Variants in DDI2 observed in about 807,000 individuals in gnomAD.
DDI2 encodes DDI proteasomal shuttling factor 2.
DDI2 carries 5 observed loss-of-function variants against 48.1 expected under a neutral mutation model. That is an observed-to-expected ratio of 0.10 (90% CI 0.05 to 0.22). The LOEUF is 0.22. DDI2 is among the 10% of genes least tolerant of loss of function. DDI2 has a pLI of 1.00. For missense variants in DDI2, 285 were observed against 506.2 expected (o/e 0.56, Z 4.19); for synonymous variants, 205 against 183.6 (o/e 1.12, Z -0.94).
In DDI2 at chr1:15,617,541, G is replaced by GGAGC. The variant is rs1161279218; in HGVS notation, c.-119_-116dup. ...GACTCACTGAGCGTGTGTGAGGGAGGGAGCGAGCGAGCGAACGAGCAGCCG... is the reference window on the plus strand; with the variant it reads ...GACTCACTGAGCGTGTGTGAGGGAGGGAGCGAGCGAGCGAGCGAACGAGCAGCCG... On this transcript the variant is annotated 5_prime_UTR_variant, in exon 1 of 10. Coordinates refer to ENST00000480945, the MANE Select transcript of DDI2 (RefSeq NM_032341.5). The GGAGC allele has an allele frequency of 9.0e-5, 62 of 692,048 alleles. 1 individual carries two copies. The highest frequency in any genetic ancestry group is 2.4e-4 in the South Asian group (4 of 16,374). The allele number at this position is 692,048 out of a possible 1,614,324, so 42.9% of individuals were successfully genotyped here. A position where few individuals can be genotyped will look rare whatever the true frequency, so the allele number is the denominator to read the frequency against.
intron 1 of DDI2, among the ~76,000 whole-genome samples, chr1:15,623,600 G>C (rs570743516): frequency 7.8e-6 from 1 of 128,732 alleles, no homozygotes; most frequent in Non-Finnish European, 1.6e-5. Flanking sequence ...ATGGGGTCTT[G>C]CTGTATTGCC....
In DDI2 at chr1:15,663,539, G is replaced by A. The variant is rs1640410637; in HGVS notation, c.*3749G>A. On this transcript the variant is annotated 3_prime_UTR_variant, in exon 10 of 10. Coordinates refer to ENST00000480945, the MANE Select transcript of DDI2 (RefSeq NM_032341.5). Reference sequence around the variant, plus strand: ...GCGTGAAGAACAACAGGTCAGCCAGGTTGTCTTTAAGATGTTCTTTTAGAC... The same window carrying A: ...GCGTGAAGAACAACAGGTCAGCCAGATTGTCTTTAAGATGTTCTTTTAGAC... 1.3e-5 allele frequency: 2 copies of A among 152,288 alleles called. No individual in the cohort carries two copies. The highest frequency in any genetic ancestry group is 4.1e-4 in the South Asian group (2 of 4,822). 9.4% of individuals were successfully genotyped at this position (152,288 alleles called of 1,614,324 possible). A position where few individuals can be genotyped will look rare whatever the true frequency, so the allele number is the denominator to read the frequency against.
At chr1:15,633,094 A>G (rs181847825) in intron 3 of DDI2, among the ~76,000 whole-genome samples, 3 of 151,426 alleles carry the variant, frequency 2.0e-5, no homozygotes, top group Non-Finnish European at 4.4e-5. Flanking sequence ...ACGCCCAACT[A>G]ATTTTTATAT....
In DDI2 at chr1:15,643,591, G is replaced by A. The variant is rs1300606561; in HGVS notation, c.830G>A (p.Arg277Gln). The part of the protein sequence containing the change: ...RCNIMRLVDR[R>Q]WAGIAKGVGT... ...AACATAATGAGACTGGTGGACCGTC[G>A]GTGGGCAGGGATTGCCAAAGGAGTG... is the stretch of plus-strand genomic sequence containing the variant. The change falls in exon 6 of 10, where the codon CGG (arginine) becomes CAG (glutamine). Residue 277 changes from arginine (R) to glutamine (Q), a missense_variant. Physicochemically the swap from Arg to Gln is conservative, Grantham distance 43. Around this residue, in one of 3 missense-constraint regions of DDI2, gnomAD observed 70 missense variants for 182.3 expected, o/e 0.38. Coordinates refer to ENST00000480945, the MANE Select transcript of DDI2 (RefSeq NM_032341.5). 6.2e-7 allele frequency: 1 copy of A among 1,614,144 alleles called. No homozygotes were observed.
At chr1:15,626,589 CAG>C in intron 1 of DDI2, 78 bp from the exon 2 acceptor site, 1 of 1,572,246 alleles carries the variant, frequency 6.4e-7, no homozygotes, top group Non-Finnish European at 8.6e-7. Context: ...ACATCTGATT[CAG>C]GGGAAAACTG....
chr1:15,623,904 C>CA lies in DDI2; in HGVS notation c.139-2755dup, dbSNP rs1253070899. Among the ~76,000 whole-genome samples the CA allele has an allele frequency of 1.3e-3, 188 of 148,636 alleles. 1 individual carries two copies. The highest frequency in any genetic ancestry group is 4.2e-3 in the African/African-American group (169 of 40,640). On this transcript the variant is annotated intron_variant, in intron 1 of 9. Transcript: ENST00000480945. ...TGAAACCCCGTCTCTACAAAAAATA[C>CA]AAAAAAAAAATTAGCCGCTTGTGGG...
At chr1:15,633,610 T>G in intron 4 of DDI2, 45 bp downstream of exon 4, 3 of 1,598,334 alleles carry the variant, frequency 1.9e-6, no homozygotes, top group Non-Finnish European at 2.6e-6. Flanking sequence ...AGACTCCAGA[T>G]TTCCCAGACT....
chr1:15,657,441 C>T (rs916519126), intron 9 of DDI2, among the ~76,000 whole-genome samples: 2 of 152,200 alleles, frequency 1.3e-5, no homozygotes, highest in Non-Finnish European at 2.9e-5. Context: ...AGGTTAAAAG[C>T]AGGCATAGTT....
At position 15,667,481 on chromosome 1, in the gene DDI2, G is replaced by A. The variant is rs773702962; in HGVS notation, c.*7691G>A. The A allele has an allele frequency of 1.3e-5, 2 of 152,196 alleles. No homozygotes were observed. Among genetic ancestry groups the A allele is most frequent in the African/African-American group, 2.4e-5 (1 of 41,440 alleles). 9.4% of individuals were successfully genotyped at this position (152,196 alleles called of 1,614,324 possible). On this transcript the variant is annotated 3_prime_UTR_variant, in exon 10 of 10. Transcript: ENST00000480945. ...ATCCCTTTGTGAGCACGGCTGCTCC[G>A]GAATACTGACCATCTGGGCTAGCAC...
At chr1:15,632,183 C>T (rs907684220) in intron 3 of DDI2, among the ~76,000 whole-genome samples, 2 of 152,218 alleles carry the variant, frequency 1.3e-5, no homozygotes, top group Non-Finnish European at 2.9e-5. Context: ...TAACCATTGT[C>T]ATAATATCTT....
At chr1:15,625,065 C>A (rs994652236) in intron 1 of DDI2, among the ~76,000 whole-genome samples, 10 of 152,180 alleles carry the variant, frequency 6.6e-5, no homozygotes, top group African/African-American at 2.2e-4. Flanking sequence ...TCTATAAATT[C>A]TGAGAGCAGA....
At chr1:15,632,237 G>C (rs1639857575) in intron 3 of DDI2, among the ~76,000 whole-genome samples, 1 of 152,148 alleles carries the variant, frequency 6.6e-6, no homozygotes, top group African/African-American at 2.4e-5. Context: ...AGATGGTGAT[G>C]ATGGGGCATT....
intron 6 of DDI2, among the ~76,000 whole-genome samples, chr1:15,647,182 C>G (rs1014196919): frequency 6.6e-6 from 1 of 151,340 alleles, no homozygotes; most frequent in Non-Finnish European, 1.5e-5. Context: ...GAGTCTCACT[C>G]TGTTGCCCAC....
chr1:15,668,685 T>C lies in DDI2; in HGVS notation c.*8895T>C, dbSNP rs1480582312. ...TTCTGACTTTAAGCTTTGAGACTAC[T>C]GCATCTTAAAAGAAGAACTAGGCTG... On this transcript the variant is annotated 3_prime_UTR_variant, in exon 10 of 10. Transcript: ENST00000480945. 1 of 152,236 alleles carries C rather than the reference T, an allele frequency of 6.6e-6. No individual in the cohort carries two copies. The allele number at this position is 152,236 out of a possible 1,614,324, so 9.4% of individuals were successfully genotyped here.
intron 3 of DDI2, 61 bp from the exon 4 acceptor site, chr1:15,633,378 A>G: frequency 6.3e-7 from 1 of 1,580,842 alleles, no homozygotes; most frequent in Non-Finnish European, 8.6e-7. Flanking sequence ...TGGTGTGGAA[A>G]AGTACTGATA....
intron 2 of DDI2, among the ~76,000 whole-genome samples, chr1:15,629,793 G>A (rs1050281037): frequency 6.7e-6 from 1 of 149,152 alleles, no homozygotes; most frequent in African/African-American, 2.5e-5. Flanking sequence ...GTGCAATGGC[G>A]CCATCTCGGC....
Position 15,630,632 on chromosome 1 carries a change from G to T in DDI2, c.505+71G>T, listed in dbSNP as rs1408870700. On this transcript the variant is annotated intron_variant, in intron 3 of 9. Coordinates refer to ENST00000480945, the MANE Select transcript of DDI2 (RefSeq NM_032341.5). ...GAAGCTGTGTCATAGCAAATGTGAAGAGACTCAAGCGACACTGTGTCACAT... is the reference window on the plus strand; with the variant it reads ...GAAGCTGTGTCATAGCAAATGTGAATAGACTCAAGCGACACTGTGTCACAT... 6.6e-6 allele frequency: 7 copies of T among 1,054,340 alleles called. No individual in the cohort carries two copies. In the East Asian group the frequency reaches 1.2e-4, roughly 18 times the overall value. 65.3% of individuals were successfully genotyped at this position (1,054,340 alleles called of 1,614,324 possible). A position where few individuals can be genotyped will look rare whatever the true frequency, so the allele number is the denominator to read the frequency against.
chr1:15,666,754 T>G lies in DDI2; in HGVS notation c.*6964T>G, dbSNP rs1460364128. Reference sequence around the variant, plus strand: ...AAGCTTTCAGTCTAGAAGGGAGACGTGAAACAAATTTTAGCTTCAAAAGCA... The same window carrying G: ...AAGCTTTCAGTCTAGAAGGGAGACGGGAAACAAATTTTAGCTTCAAAAGCA... On this transcript the variant is annotated 3_prime_UTR_variant, in exon 10 of 10. Transcript: ENST00000480945. 1.3e-5 allele frequency: 2 copies of G among 152,192 alleles called. No homozygotes were observed. Among genetic ancestry groups the G allele is most frequent in the Non-Finnish European group, 2.9e-5 (2 of 68,028 alleles). The allele number at this position is 152,192 out of a possible 1,614,324, so 9.4% of individuals were successfully genotyped here. A position where few individuals can be genotyped will look rare whatever the true frequency, so the allele number is the denominator to read the frequency against.
chr1:15,625,093 T>C (rs574895372), intron 1 of DDI2, among the ~76,000 whole-genome samples: 160 of 152,362 alleles, frequency 1.1e-3, no homozygotes, highest in Admixed American at 2.2e-3. Context: ...TAATCACTTT[T>C]TTTCCAGTTT....
Sources: allele counts gnomAD v4.1 joint callset (sites outside exome capture counted in the v4.1 genomes callset), GRCh38; gene constraint gnomAD v4.1.1; regional missense constraint gnomAD v4.1.1; transcripts MANE v1.5; gene names NCBI Gene and HGNC (gene_info 2026-07-23, HGNC 2026-07-21).